The following MED12L variants were observed in gnomAD, a reference collection of about 807,000 sequenced individuals.
The protein encoded by MED12L is mediator complex subunit 12L.
In MED12L, 60 loss-of-function variants were observed where a neutral mutation model predicts 281.3. That is an observed-to-expected ratio of 0.21 (90% CI 0.17 to 0.26). The LOEUF is 0.26. MED12L is among the 10% of genes least tolerant of loss of function. The probability of loss-of-function intolerance (pLI) is 1.00; values close to 1 mark genes in which losing one functional copy is unlikely to be tolerated. For missense variants in MED12L, 2,146 were observed against 2,680.9 expected (o/e 0.80, Z 4.41); for synonymous variants, 974 against 987.2 (o/e 0.99, Z 0.25).
intron 16 of MED12L, among the ~76,000 whole-genome samples, chr3:151,256,527 A>C (rs1423239127): frequency 6.6e-6 from 1 of 152,168 alleles, no homozygotes; most frequent in Admixed American, 6.5e-5. Flanking sequence ...CCCTCTTGTC[A>C]ACCACAGAAA....
At chr3:151,313,574 G>A (rs910629432) in intron 16 of MED12L, among the ~76,000 whole-genome samples, 1 of 151,836 alleles carries the variant, frequency 6.6e-6, no homozygotes, top group Non-Finnish European at 1.5e-5. Context: ...GGCCAGGTGC[G>A]GTGGCTCACA....
Position 151,253,999 on chromosome 3 carries a change from G to GTT in MED12L, c.2250+60344_2250+60345dup, listed in dbSNP as rs11453294. ...CTTCTTTTTGTTTTGATTTTTTCTT[G>GTT]TTTTTTTTTTTTGTTAATTTAAACT... On this transcript the variant is annotated intron_variant, in intron 16 of 44. Coordinates refer to ENST00000687756, the MANE Select transcript of MED12L (RefSeq NM_001393769.1). 9.9e-3 allele frequency among the ~76,000 whole-genome samples: 1,350 copies of GTT among 136,778 alleles called. 10 individuals are homozygous for GTT. The highest frequency in any genetic ancestry group is 0.015 in the South Asian group (62 of 4,266). 89.7% of individuals were successfully genotyped at this position (136,778 alleles called of 152,430 possible). A position where few individuals can be genotyped will look rare whatever the true frequency, so the allele number is the denominator to read the frequency against.
intron 2 of MED12L, among the ~76,000 whole-genome samples, chr3:151,114,249 G>A (rs753756125): frequency 2.0e-5 from 3 of 152,128 alleles, no homozygotes; most frequent in Admixed American, 6.5e-5. Flanking sequence ...TATTCTGTGC[G>A]GATCACGATT....
chr3:151,354,140 CAAAAAAAAAAA>C (rs63033360), intron 17 of MED12L, among the ~76,000 whole-genome samples: 1 of 62,846 alleles, frequency 1.6e-5, no homozygotes, highest in Non-Finnish European at 2.7e-5. Context: ...GACTCCGTCT[CAAAAAAAAAAA>C]AAAAAAAAAA....
At chr3:151,165,302 T>C (rs574060078) in intron 9 of MED12L, 118 bp from the exon 10 acceptor site, 35 of 542,210 alleles carry the variant, frequency 6.5e-5, no homozygotes, top group African/African-American at 5.2e-4. Flanking sequence ...TTTCTTACAA[T>C]GCAGTCAAGA....
intron 16 of MED12L, chr3:151,300,188 T>A (rs1745713943): frequency 1.1e-6 from 1 of 893,632 alleles, no homozygotes; most frequent in East Asian, 2.4e-5. Flanking sequence ...AGGTTATTCC[T>A]GGTTTGATTT....
At chr3:151,253,934 T>TTTC (rs1737308651) in intron 16 of MED12L, among the ~76,000 whole-genome samples, 1 of 152,096 alleles carries the variant, frequency 6.6e-6, no homozygotes, top group Non-Finnish European at 1.5e-5. Flanking sequence ...CTACTTTTTT[T>TTTC]TTCTTCTTCT....
At chr3:151,411,917 T>G (rs1716984888) in intron 41 of MED12L, among the ~76,000 whole-genome samples, 1 of 152,238 alleles carries the variant, frequency 6.6e-6, no homozygotes. Flanking sequence ...GCAATACTAA[T>G]TGTGCATGGT....
At chr3:151,193,861 G>A (rs566105039) in intron 16 of MED12L, 195 bp downstream of exon 16, 4 of 448,730 alleles carry the variant, frequency 8.9e-6, no homozygotes, top group Non-Finnish European at 1.6e-5. Context: ...AGTGATATTA[G>A]TGGCTAATTA....
At chr3:151,411,789 CT>C (rs1425062209) in intron 41 of MED12L, among the ~76,000 whole-genome samples, 2 of 151,888 alleles carry the variant, frequency 1.3e-5, no homozygotes, top group African/African-American at 2.4e-5. Context: ...CTTCAGTGTT[CT>C]TTTTTTTCCT....
At chr3:151,432,218 CTG>C (rs1719613318) in intron 44 of MED12L, among the ~76,000 whole-genome samples, 1 of 152,220 alleles carries the variant, frequency 6.6e-6, no homozygotes, top group Non-Finnish European at 1.5e-5. Flanking sequence ...TTCCTTGTTT[CTG>C]TATGCATGTG....
chr3:151,421,998 G>A (rs1290864629), intron 43 of MED12L, among the ~76,000 whole-genome samples: 2 of 152,056 alleles, frequency 1.3e-5, no homozygotes, highest in Non-Finnish European at 2.9e-5. Flanking sequence ...CCCCTGACTT[G>A]TCCTGCTGCT....
intron 16 of MED12L, among the ~76,000 whole-genome samples, chr3:151,343,456 C>A (rs930424946): frequency 6.6e-6 from 1 of 152,176 alleles, no homozygotes; most frequent in Non-Finnish European, 1.5e-5. Flanking sequence ...TATTTACAAA[C>A]CACCTCTGAT....
intron 16 of MED12L, chr3:151,219,691 T>C (rs894234450): frequency 2.0e-5 from 3 of 152,188 alleles, no homozygotes; most frequent in African/African-American, 7.2e-5. Flanking sequence ...GCACCTGACT[T>C]TTTATTGGGA....
intron 6 of MED12L, among the ~76,000 whole-genome samples, chr3:151,158,028 T>A (rs1719508193): frequency 6.6e-6 from 1 of 152,184 alleles, no homozygotes; most frequent in South Asian, 2.1e-4. Flanking sequence ...ACAAAAGATG[T>A]TTGTAGTGCT....
chr3:151,376,929 A>G (rs1756924390), intron 29 of MED12L, 55 bp downstream of exon 29: 1 of 1,610,658 alleles, frequency 6.2e-7, no homozygotes, highest in Admixed American at 1.7e-5. Context: ...AAGCAAAAAC[A>G]CGTTGATGTT....
chr3:151,276,541 A>C (rs1358041997), intron 16 of MED12L, among the ~76,000 whole-genome samples: 1 of 152,210 alleles, frequency 6.6e-6, no homozygotes, highest in Admixed American at 6.5e-5. Context: ...GAAACAGCTC[A>C]CTTGTGACCG....
chr3:151,119,676 A>G (rs1237106801), intron 3 of MED12L, among the ~76,000 whole-genome samples: 1 of 152,210 alleles, frequency 6.6e-6, no homozygotes, highest in Non-Finnish European at 1.5e-5. Flanking sequence ...GAACTGCTAA[A>G]TTGTTCAGTT....
intron 16 of MED12L, among the ~76,000 whole-genome samples, chr3:151,226,612 G>GT (rs143326437): frequency 0.11 from 15,995 of 150,490 alleles, 1,122 homozygotes; most frequent in Middle Eastern, 0.17. Context: ...GTCAGCCAGT[G>GT]TTTTTTTTTC....
Sources: allele counts gnomAD v4.1 joint callset (sites outside exome capture counted in the v4.1 genomes callset), GRCh38; gene constraint gnomAD v4.1.1; transcripts MANE v1.5; gene names NCBI Gene and HGNC (gene_info 2026-07-23, HGNC 2026-07-21).